The following RGS6 variants were observed in gnomAD, a reference collection of about 807,000 sequenced individuals.
RGS6 encodes the protein regulator of G-protein signaling 6.
RGS6 carries 30 observed loss-of-function variants against 78.5 expected under a neutral mutation model. That is an observed-to-expected ratio of 0.38 (90% confidence interval 0.29 to 0.52). The LOEUF is 0.52. RGS6 is among the 20% of genes least tolerant of loss of function. RGS6 has a pLI of 0.85. For synonymous variants in RGS6, 206 were observed against 206.0 expected (o/e 1.00, Z 0.00); for missense variants, 495 against 609.7 (o/e 0.81, Z 1.98).
At chr14:72,594,059 C>T in the RGS6 span, among the ~76,000 whole-genome samples, 32 of 152,124 alleles carry the variant, frequency 2.1e-4, no homozygotes, top group Admixed American at 1.2e-3. Context: ...TTCTATCTCC[C>T]CGCAAGCCCC....
At chr14:72,388,802 G>A (rs1029150270) in intron 3 of RGS6, among the ~76,000 whole-genome samples, 7 of 152,122 alleles carry the variant, frequency 4.6e-5, no homozygotes, top group African/African-American at 1.4e-4. Flanking sequence ...ACTTCTTTGT[G>A]CTTTGATTAC....
intron 17 of RGS6, chr14:72,541,084 A>C (rs757971801): frequency 7.4e-7 from 1 of 1,355,870 alleles, no homozygotes; most frequent in East Asian, 4.5e-5. Flanking sequence ...CTGTACCATG[A>C]ACATCAAACC....
intron 2 of RGS6, among the ~76,000 whole-genome samples, chr14:72,320,795 G>A (rs1478545055): frequency 6.6e-6 from 1 of 150,798 alleles, no homozygotes; most frequent in African/African-American, 2.4e-5. Context: ...GGATAAGGTG[G>A]AAGGTGGTAT....
At chr14:72,607,213 CGTCT>C in the RGS6 span, among the ~76,000 whole-genome samples, 1 of 152,196 alleles carries the variant, frequency 6.6e-6, no homozygotes. Flanking sequence ...AAAATGTCTT[CGTCT>C]GTTTGGGCCC....
chr14:72,578,940 G>T, the RGS6 span, among the ~76,000 whole-genome samples: 1 of 152,156 alleles, frequency 6.6e-6, no homozygotes, highest in Non-Finnish European at 1.5e-5. Flanking sequence ...AAGTGGGGTG[G>T]TATGAGAGCC....
chr14:71,897,968 A>G, the RGS6 span, among the ~76,000 whole-genome samples: 1 of 148,676 alleles, frequency 6.7e-6, no homozygotes, highest in Non-Finnish European at 1.5e-5. Flanking sequence ...TTTATTTTTT[A>G]TTTTAATTTT....
chr14:72,239,382 G>T (rs1431046033), intron 2 of RGS6, among the ~76,000 whole-genome samples: 1 of 152,148 alleles, frequency 6.6e-6, no homozygotes, highest in African/African-American at 2.4e-5. Flanking sequence ...CTTCTCCCTG[G>T]AGCCTGCGTT....
chr14:72,371,891 A>G (rs1354506881), intron 3 of RGS6, among the ~76,000 whole-genome samples: 2 of 152,228 alleles, frequency 1.3e-5, no homozygotes, highest in Admixed American at 6.5e-5. Flanking sequence ...GGGAAACTGC[A>G]GTGGACATCA....
chr14:72,388,433 A>G (rs1407726874), intron 3 of RGS6, among the ~76,000 whole-genome samples: 1 of 152,154 alleles, frequency 6.6e-6, no homozygotes, highest in Non-Finnish European at 1.5e-5. Context: ...AATAACTAAT[A>G]CAGCCATCAT....
At chr14:72,582,192 G>A in the RGS6 span, among the ~76,000 whole-genome samples, 1 of 152,062 alleles carries the variant, frequency 6.6e-6, no homozygotes, top group Non-Finnish European at 1.5e-5. Context: ...ACCTCCCAAT[G>A]CCACCATATT....
Position 72,487,640 on chromosome 14 carries a change from C to T in RGS6, c.855-7512C>T, listed in dbSNP as rs116024303. ...TGGCTTTGCAGATGGAAGGGGGCCA[C>T]GAGCCAAGGAATGCAGGGAGCCTCT... On this transcript the variant is annotated intron_variant, in intron 12 of 17. Transcript: ENST00000553525. Among the ~76,000 whole-genome samples the T allele has an allele frequency of 2.1e-3, 320 of 152,242 alleles. 1 individual carries two copies. The highest frequency in any genetic ancestry group is 6.4e-3 in the African/African-American group (266 of 41,532).
intron 2 of RGS6, among the ~76,000 whole-genome samples, chr14:72,024,640 C>T (rs1316998832): frequency 6.6e-6 from 1 of 151,994 alleles, no homozygotes; most frequent in African/African-American, 2.4e-5. Flanking sequence ...TTTCTGTGGT[C>T]GAAATTCTCA....
At chr14:72,129,721 T>C (rs1245492796) in intron 2 of RGS6, among the ~76,000 whole-genome samples, 1 of 152,094 alleles carries the variant, frequency 6.6e-6, no homozygotes. Context: ...GCTCAGGGCT[T>C]CCAAAAAGCA....
At chr14:71,918,054 G>T in the RGS6 span, among the ~76,000 whole-genome samples, 1 of 151,526 alleles carries the variant, frequency 6.6e-6, no homozygotes, top group Non-Finnish European at 1.5e-5. Context: ...GGTGGCGGGC[G>T]CCTGTAGTCC....
chr14:71,967,025 TC>T (rs1341398285), intron 2 of RGS6, among the ~76,000 whole-genome samples: 1 of 152,042 alleles, frequency 6.6e-6, no homozygotes, highest in Admixed American at 6.6e-5. Flanking sequence ...AAAAAAAACT[TC>T]CTGCAGGTTT....
chr14:72,583,984 A>G, the RGS6 span, among the ~76,000 whole-genome samples: 2 of 152,214 alleles, frequency 1.3e-5, no homozygotes, highest in African/African-American at 4.8e-5. Context: ...AGAAAACAAA[A>G]TGAGAAAGAA....
intron 2 of RGS6, among the ~76,000 whole-genome samples, chr14:72,292,107 C>T (rs909679616): frequency 1.3e-5 from 2 of 152,172 alleles, no homozygotes; most frequent in Admixed American, 6.5e-5. Flanking sequence ...GAAGAGGCCC[C>T]GGGTGGAGAA....
At chr14:72,433,492 A>G (rs935169331) in intron 3 of RGS6, among the ~76,000 whole-genome samples, 9 of 152,164 alleles carry the variant, frequency 5.9e-5, no homozygotes, top group African/African-American at 2.2e-4. Context: ...CCCAGAACTT[A>G]AAATGAAAAT....
intron 1 of RGS6, among the ~76,000 whole-genome samples, chr14:71,935,238 C>T (rs1363149448): frequency 6.6e-6 from 1 of 152,036 alleles, no homozygotes; most frequent in Non-Finnish European, 1.5e-5. Context: ...TAACTTTTCC[C>T]CTGATTCCAA....
Sources: gnomAD v4.1 joint callset for allele counts (sites outside exome capture counted in the v4.1 genomes callset) on GRCh38, gnomAD v4.1.1 for gene constraint, MANE v1.5 for transcripts, NCBI Gene and HGNC (gene_info 2026-07-23, HGNC 2026-07-21) for gene names.